Variants in PDS5B observed in about 807,000 individuals in gnomAD.
PDS5B encodes the protein sister chromatid cohesion protein PDS5 homolog B.
PDS5B carries 51 observed loss-of-function variants against 184.1 expected under a neutral mutation model. The observed-to-expected ratio is 0.28, with a 90% CI of 0.22 to 0.35. The LOEUF is 0.35. Ranked by LOEUF, PDS5B falls within the 10% of genes least tolerant of loss-of-function variation. The pLI is 1.00. For synonymous variants in PDS5B, 566 were observed against 569.2 expected (o/e 0.99, Z 0.08); for missense variants, 1,180 against 1,723.3 (o/e 0.68, Z 5.58).
intron 19 of PDS5B, among the ~76,000 whole-genome samples, chr13:32,716,406 G>C (rs373903077): frequency 6.6e-6 from 1 of 151,246 alleles, no homozygotes; most frequent in African/African-American, 2.4e-5. Flanking sequence ...TTTGAGAAGT[G>C]AGGAGACCCT....
intron 3 of PDS5B, among the ~76,000 whole-genome samples, chr13:32,654,148 G>A (rs1367179235): frequency 6.6e-6 from 1 of 152,132 alleles, no homozygotes; most frequent in Non-Finnish European, 1.5e-5. Context: ...TTGGGGGATA[G>A]TACTTAAAAT....
intron 8 of PDS5B, 26 bp downstream of exon 8, chr13:32,673,382 T>C (rs1950984709): frequency 6.3e-7 from 1 of 1,581,598 alleles, no homozygotes; most frequent in Non-Finnish European, 8.6e-7. Flanking sequence ...AATATGATTC[T>C]ACCAACCAAG....
intron 1 of PDS5B, among the ~76,000 whole-genome samples, chr13:32,645,343 T>C (rs772223624): frequency 4.6e-5 from 7 of 152,190 alleles, no homozygotes; most frequent in Admixed American, 1.3e-4. Flanking sequence ...TTAAAACTAG[T>C]TGGGAAGGAT....
intron 24 of PDS5B, among the ~76,000 whole-genome samples, chr13:32,746,379 T>C (rs1284106649): frequency 2.6e-5 from 4 of 152,204 alleles, no homozygotes; most frequent in Admixed American, 2.6e-4. Context: ...TTAGGAGAAC[T>C]CACAGAATAG....
chr13:32,692,527 C>CT (rs1951586095), intron 13 of PDS5B, among the ~76,000 whole-genome samples: 1 of 144,374 alleles, frequency 6.9e-6, no homozygotes, highest in African/African-American at 2.5e-5. Context: ...AGGCCACTGA[C>CT]TAAAACCTGA....
rs1392549265 is a variant in PDS5B at position 32,598,534 on chromosome 13, G to T, written c.-20+11941G>T. On this transcript the variant is annotated intron_variant, in intron 1 of 34. Coordinates refer to ENST00000315596, the MANE Select transcript of PDS5B (RefSeq NM_015032.4). ...ATTGCTCAGGCTGAAGTGCAGTGGT[G>T]TACCCAGTTCACTGTAACCTCAAAT... is the stretch of plus-strand genomic sequence containing the variant. Among the ~76,000 whole-genome samples, 3 of 151,872 alleles carry T rather than the reference G, an allele frequency of 2.0e-5. No individual in the cohort carries two copies. The South Asian group carries it at 6.2e-4, about 32-fold the overall frequency.
At chr13:32,649,162 CAA>C (rs941882738) in intron 2 of PDS5B, 2 of 259,434 alleles carry the variant, frequency 7.7e-6, no homozygotes, top group African/African-American at 4.6e-5. Flanking sequence ...ATTGTCTATA[CAA>C]AGTTGTCTCC....
chr13:32,613,084 T>G (rs563051895), intron 1 of PDS5B, among the ~76,000 whole-genome samples: 92 of 152,342 alleles, frequency 6.0e-4, no homozygotes, highest in Non-Finnish European at 1.2e-3. Flanking sequence ...CAGTACTTCA[T>G]TTTTTCTTAT....
In PDS5B at chr13:32,595,806, A is replaced by G. The variant is rs1049191815; in HGVS notation, c.-20+9213A>G. Among the ~76,000 whole-genome samples the G allele has an allele frequency of 8.5e-5, 13 of 152,308 alleles. 1 individual carries two copies. The highest frequency in any genetic ancestry group is 6.8e-3 in the Middle Eastern group (2 of 294). On this transcript the variant is annotated intron_variant, in intron 1 of 34. Transcript: ENST00000315596. ...GGGGGTTCAAAGGACCTATAAGGAA[A>G]TAAAAGAAAATGCTGGCAGCCACAC... is the stretch of plus-strand genomic sequence containing the variant.
At chr13:32,663,047 C>T (rs7334616) in intron 6 of PDS5B, among the ~76,000 whole-genome samples, 311 of 152,092 alleles carry the variant, frequency 2.0e-3, no homozygotes, top group African/African-American at 7.3e-3. Context: ...TAGCCTATAA[C>T]CAATACATTT....
Position 32,775,193 on chromosome 13 carries a change from G to T in PDS5B, c.*141G>T. The T allele has an allele frequency of 2.9e-6, 2 of 685,840 alleles. No individual in the cohort carries two copies. The highest frequency in any genetic ancestry group is 1.8e-5 in the South Asian group (1 of 54,538). 42.5% of individuals were successfully genotyped at this position (685,840 alleles called of 1,614,324 possible). A position where few individuals can be genotyped will look rare whatever the true frequency, so the allele number is the denominator to read the frequency against. ...GTGGACAGTTGGACCTTACTTTGGT[G>T]ACCCCATACATTTGTGGTCACATGC... is the stretch of plus-strand genomic sequence containing the variant. On this transcript the variant is annotated 3_prime_UTR_variant, in exon 35 of 35. Coordinates refer to ENST00000315596, the MANE Select transcript of PDS5B (RefSeq NM_015032.4).
intron 7 of PDS5B, among the ~76,000 whole-genome samples, chr13:32,672,433 TACAC>T (rs970093021): frequency 6.6e-6 from 1 of 152,106 alleles, no homozygotes; most frequent in African/African-American, 2.4e-5. Flanking sequence ...AGTGTATGTA[TACAC>T]ACACACAGAG....
intron 7 of PDS5B, among the ~76,000 whole-genome samples, chr13:32,671,460 A>AT (rs1566308834): frequency 6.6e-6 from 1 of 152,128 alleles, no homozygotes; most frequent in African/African-American, 2.4e-5. Flanking sequence ...TTGTTTTACT[A>AT]TTTTTTAAGC....
intron 17 of PDS5B, among the ~76,000 whole-genome samples, chr13:32,706,574 T>C (rs1262293920): frequency 2.6e-5 from 4 of 152,202 alleles, no homozygotes; most frequent in Non-Finnish European, 5.9e-5. Flanking sequence ...TTTCTGTGTA[T>C]ATTGTTCTAC....
intron 24 of PDS5B, among the ~76,000 whole-genome samples, chr13:32,746,667 C>CA (rs1953753494): frequency 6.6e-6 from 1 of 152,118 alleles, no homozygotes. Flanking sequence ...CATGAAATAA[C>CA]AAAAACATCA....
At chr13:32,624,602 A>C (rs1476515273) in intron 1 of PDS5B, among the ~76,000 whole-genome samples, 5 of 152,138 alleles carry the variant, frequency 3.3e-5, no homozygotes, top group Non-Finnish European at 5.9e-5. Context: ...TGGGGCGTGA[A>C]TCACTCTTGG....
At chr13:32,769,052 G>A (rs917260973) in intron 31 of PDS5B, among the ~76,000 whole-genome samples, 1 of 151,726 alleles carries the variant, frequency 6.6e-6, no homozygotes, top group Non-Finnish European at 1.5e-5. Context: ...GAACCTGGGA[G>A]GCGGAGCTTG....
At chr13:32,702,176 T>C (rs138226355) in intron 17 of PDS5B, among the ~76,000 whole-genome samples, 1 of 152,198 alleles carries the variant, frequency 6.6e-6, no homozygotes, top group Non-Finnish European at 1.5e-5. Flanking sequence ...TTTCATCTTA[T>C]GCTCAAACCC....
At chr13:32,613,262 G>T (rs1186860573) in intron 1 of PDS5B, among the ~76,000 whole-genome samples, 1 of 152,222 alleles carries the variant, frequency 6.6e-6, no homozygotes, top group Non-Finnish European at 1.5e-5. Flanking sequence ...CATAGGAGTA[G>T]AATTGCTGGA....
Sources: allele counts gnomAD v4.1 joint callset (sites outside exome capture counted in the v4.1 genomes callset), GRCh38; gene constraint gnomAD v4.1.1; transcripts MANE v1.5; gene names NCBI Gene and HGNC (gene_info 2026-07-23, HGNC 2026-07-21).